SP6: variants seen among roughly 807,000 people sequenced by gnomAD.
SP6 encodes Sp6 transcription factor.
In SP6, 10 loss-of-function variants were observed where a neutral mutation model predicts 23.4. That is an observed-to-expected ratio of 0.43 (90% CI 0.26 to 0.72). The LOEUF (loss-of-function observed/expected upper bound fraction) is 0.72, where lower values mean the gene tolerates loss of function less well. Ranked by LOEUF, SP6 falls within the 30% of genes least tolerant of loss-of-function variation. The pLI is 0.23. For missense variants in SP6, 482 were observed against 523.8 expected, an observed-to-expected ratio of 0.92 and a Z score of 0.78; for synonymous variants, 238 against 238.7, an observed-to-expected ratio of 1.00 and a Z score of 0.03.
upstream of SP6, among the ~76,000 whole-genome samples, chr17:47,860,276 C>T (rs1057090189): frequency 2.6e-5 from 4 of 152,210 alleles, no homozygotes; most frequent in African/African-American, 9.7e-5. Context: ...CCTATGTCCC[C>T]ATGCTCTCTA....
At chr17:47,862,499 C>T in the SP6 span, among the ~76,000 whole-genome samples, 2 of 129,944 alleles carry the variant, frequency 1.5e-5, no homozygotes, top group Non-Finnish European at 3.1e-5. Context: ...CAGAGCGAGA[C>T]TTTGTCTCAA....
the SP6 span, among the ~76,000 whole-genome samples, chr17:47,875,081 C>T: frequency 2.7e-5 from 4 of 150,294 alleles, no homozygotes; most frequent in Non-Finnish European, 4.4e-5. Context: ...CTCTCCCACC[C>T]GGCTTCTTCT....
chr17:47,868,149 A>C, the SP6 span, among the ~76,000 whole-genome samples: 2 of 151,884 alleles, frequency 1.3e-5, no homozygotes, highest in African/African-American at 4.8e-5. Context: ...GGCACACCCC[A>C]CTCACTGCAG....
At position 47,848,438 on chromosome 17, in the gene SP6, T is replaced by C; in HGVS notation, c.-9A>G. 4 of 1,494,360 alleles carry C rather than the reference T, an allele frequency of 2.7e-6. No homozygotes were observed. In the South Asian group the frequency reaches 5.4e-5, roughly 20 times the overall value. 92.6% of individuals were successfully genotyped at this position (1,494,360 alleles called of 1,614,324 possible). A position where few individuals can be genotyped will look rare whatever the true frequency, so the allele number is the denominator to read the frequency against. On this transcript the variant is annotated 5_prime_UTR_variant, in exon 2 of 2. Coordinates refer to ENST00000536300, the MANE Select transcript of SP6 (RefSeq NM_001258248.2). This position sits in a 1 kb window ranked among gnomAD's most constrained non-coding sequence, Gnocchi z 5.3. The stretch of plus-strand genomic sequence containing the variant: ...CAGACAGCGGTTAGCATTGCCGGGA[T>C]CCGGGGTGGGGTGAGGGCAGGGACG...
At chr17:47,861,544 C>G in the SP6 span, among the ~76,000 whole-genome samples, 1 of 152,142 alleles carries the variant, frequency 6.6e-6, no homozygotes, top group Middle Eastern at 3.2e-3. Flanking sequence ...ACCAGCCTGG[C>G]CAACATGGTG....
chr17:47,874,386 C>T, the SP6 span, among the ~76,000 whole-genome samples: 2 of 152,134 alleles, frequency 1.3e-5, no homozygotes, highest in Non-Finnish European at 2.9e-5. Flanking sequence ...CCACCACACC[C>T]AGCCTCATTT....
rs1387463013 is a variant in SP6, at chr17:47,846,010, A to ATGTGTT, written c.*1283_*1288dup. On this transcript the variant is annotated 3_prime_UTR_variant, in exon 2 of 2. Transcript: ENST00000536300. ...CCCCCACCCCATGATCAGAATCAAA[A>ATGTGTT]TGTGTTTCTAGCATCTAAAGGAGAA... 6.6e-6 allele frequency: 1 copy of ATGTGTT among 152,136 alleles called. No homozygotes were observed. The highest frequency in any genetic ancestry group is 1.5e-5 in the Non-Finnish European group (1 of 68,010). 9.4% of individuals were successfully genotyped at this position (152,136 alleles called of 1,614,324 possible).
chr17:47,863,400 T>A, the SP6 span: 1 of 152,104 alleles, frequency 6.6e-6, no homozygotes, highest in South Asian at 2.1e-4. Flanking sequence ...GAATGGTGCC[T>A]GGGACTCTAT....
At chr17:47,859,846 T>A (rs2034022782), upstream of SP6, among the ~76,000 whole-genome samples, 1 of 151,940 alleles carries the variant, frequency 6.6e-6, no homozygotes, top group Admixed American at 6.6e-5. Context: ...AACAAGGAAT[T>A]GGAGGTTTGG....
At chr17:47,869,687 G>A in the SP6 span, among the ~76,000 whole-genome samples, 148,154 of 152,244 alleles carry the variant, frequency 0.97, 72,177 homozygotes, top group East Asian at 1. Context: ...ACACTCTTTG[G>A]AGTCAGAATA....
In SP6 at chr17:47,848,591, T is replaced by TG; in HGVS notation, c.-57-106_-57-105insC. 1 of 637,776 alleles carries TG rather than the reference T, an allele frequency of 1.6e-6. No individual in the cohort carries two copies. The highest frequency in any genetic ancestry group is 2.7e-6 in the Non-Finnish European group (1 of 372,606). The allele number at this position is 637,776 out of a possible 1,614,324, so 39.5% of individuals were successfully genotyped here. A position where few individuals can be genotyped will look rare whatever the true frequency, so the allele number is the denominator to read the frequency against. ...CCCAGGTGTAAAAGAAGGATGCACC[T>TG]CTGAACGAGGACTAGAGATGAGTTT... On this transcript the variant is annotated intron_variant, in intron 1 of 1. Transcript: ENST00000536300. This position sits in a 1 kb window ranked among gnomAD's most constrained non-coding sequence, Gnocchi z 5.3.
chr17:47,860,610 C>A (rs2034028794), upstream of SP6, among the ~76,000 whole-genome samples: 1 of 151,728 alleles, frequency 6.6e-6, no homozygotes, highest in South Asian at 2.1e-4. Context: ...ATGCCTGTAA[C>A]CCCAGCACTT....
upstream of SP6, among the ~76,000 whole-genome samples, chr17:47,852,789 T>C (rs935685200): frequency 5.3e-5 from 8 of 152,182 alleles, no homozygotes; most frequent in Admixed American, 2.0e-4. Context: ...CTCCCTCTTT[T>C]CTAAGGCTCA....
chr17:47,863,321 A>C, the SP6 span: 1 of 152,228 alleles, frequency 6.6e-6, no homozygotes, highest in Non-Finnish European at 1.5e-5. Flanking sequence ...CCCAAAGCTA[A>C]CATCCTCACT....
At chr17:47,852,924 C>T (rs958733488), upstream of SP6, among the ~76,000 whole-genome samples, 9 of 152,126 alleles carry the variant, frequency 5.9e-5, no homozygotes, top group African/African-American at 2.2e-4. Context: ...TGGAAGATAT[C>T]CTTGTTATAA....
At position 47,847,106 on chromosome 17, in the gene SP6, A is replaced by T; in HGVS notation, c.*193T>A. On this transcript the variant is annotated 3_prime_UTR_variant, in exon 2 of 2. Coordinates refer to ENST00000536300, the MANE Select transcript of SP6 (RefSeq NM_001258248.2). ...GCGCAGCTCCTACCGACCCAGTCAA[A>T]TTCATCCTGCCTAGTAGCCCCAGAG... is the stretch of plus-strand genomic sequence containing the variant. 1.6e-6 allele frequency: 1 copy of T among 621,050 alleles called. No homozygotes were observed. The highest frequency in any genetic ancestry group is 2.8e-6 in the Non-Finnish European group (1 of 362,714). The allele number at this position is 621,050 out of a possible 1,614,324, so 38.5% of individuals were successfully genotyped here. A position where few individuals can be genotyped will look rare whatever the true frequency, so the allele number is the denominator to read the frequency against.
the SP6 span, among the ~76,000 whole-genome samples, chr17:47,868,936 G>A: frequency 6.6e-6 from 1 of 152,232 alleles, no homozygotes; most frequent in African/African-American, 2.4e-5. Flanking sequence ...TCTGTCAGCA[G>A]GGCGCTCTGG....
chr17:47,848,602 A>G lies in SP6; in HGVS notation c.-57-116T>C. On this transcript the variant is annotated intron_variant, in intron 1 of 1. Transcript: ENST00000536300. The surrounding 1 kb of genome is among the most constrained non-coding windows in gnomAD (Gnocchi z 5.3). Reference sequence around the variant, plus strand: ...AAGAAGGATGCACCTCTGAACGAGGACTAGAGATGAGTTTAGAGAATTCGG... The same window carrying G: ...AAGAAGGATGCACCTCTGAACGAGGGCTAGAGATGAGTTTAGAGAATTCGG... The G allele has an allele frequency of 1.7e-6, 1 of 602,346 alleles. No homozygotes were observed. The allele number at this position is 602,346 out of a possible 1,614,324, so 37.3% of individuals were successfully genotyped here.
upstream of SP6, among the ~76,000 whole-genome samples, chr17:47,857,794 C>T (rs951683207): frequency 6.6e-6 from 1 of 152,134 alleles, no homozygotes; most frequent in African/African-American, 2.4e-5. Context: ...AGAGTCCTGG[C>T]TTCTGGCCTT....
Sources: allele counts gnomAD v4.1 joint callset (sites outside exome capture counted in the v4.1 genomes callset), GRCh38; gene constraint gnomAD v4.1.1; non-coding constraint Gnocchi (gnomAD v3.1); transcripts MANE v1.5; gene names NCBI Gene and HGNC (gene_info 2026-07-23, HGNC 2026-07-21).